The following PPM1E variants were observed in gnomAD, a reference collection of about 807,000 sequenced individuals.
The protein encoded by PPM1E is protein phosphatase 1E.
A neutral mutation model predicts 65.9 loss-of-function variants in PPM1E; 20 were observed. The ratio of observed to expected loss-of-function variants is 0.30; its 90% CI spans 0.21 to 0.44. The LOEUF (loss-of-function observed/expected upper bound fraction) is 0.44. Among genes scored for constraint, PPM1E ranks in the 20% least tolerant of loss-of-function variants. PPM1E has a pLI of 1.00. For synonymous variants in PPM1E, 352 were observed against 374.9 expected, an observed-to-expected ratio of 0.94 and a Z score of 0.70; for missense variants, 713 against 953.1, an observed-to-expected ratio of 0.75 and a Z score of 3.32.
chr17:58,767,220 T>G (rs2049889380), intron 1 of PPM1E, among the ~76,000 whole-genome samples: 1 of 152,174 alleles, frequency 6.6e-6, no homozygotes, highest in South Asian at 2.1e-4. Context: ...GGCATTGTTT[T>G]ATATTTATTA....
intron 1 of PPM1E, among the ~76,000 whole-genome samples, chr17:58,945,719 T>C (rs368775475): frequency 6.6e-6 from 1 of 152,196 alleles, no homozygotes; most frequent in Non-Finnish European, 1.5e-5. Context: ...CTATAATGTC[T>C]TACAAAATTC....
chr17:58,844,578 G>A (rs563639146), intron 1 of PPM1E, among the ~76,000 whole-genome samples: 6 of 152,138 alleles, frequency 3.9e-5, no homozygotes, highest in Non-Finnish European at 7.4e-5. Context: ...GTAAATAGCC[G>A]AGGTGGGCAT....
At chr17:58,837,862 T>C (rs1417652040) in intron 1 of PPM1E, among the ~76,000 whole-genome samples, 1 of 152,212 alleles carries the variant, frequency 6.6e-6, no homozygotes, top group East Asian at 1.9e-4. Context: ...GTGTGCTGTT[T>C]ATAAAAGTTG....
chr17:58,932,021 A>G (rs1257108957), intron 1 of PPM1E, among the ~76,000 whole-genome samples: 1 of 152,130 alleles, frequency 6.6e-6, no homozygotes, highest in East Asian at 1.9e-4. Context: ...CATGCCTGTA[A>G]TTTCAGCATT....
At chr17:58,783,800 C>T (rs2050071487) in intron 1 of PPM1E, among the ~76,000 whole-genome samples, 1 of 152,000 alleles carries the variant, frequency 6.6e-6, no homozygotes, top group Non-Finnish European at 1.5e-5. Flanking sequence ...CTCCTACCCC[C>T]AGGTTCAAGC....
rs9893163 is a variant in PPM1E at position 58,797,634 on chromosome 17, G to C, written c.464+41173G>C. On this transcript the variant is annotated intron_variant, in intron 1 of 6. Coordinates refer to ENST00000308249, the MANE Select transcript of PPM1E (RefSeq NM_014906.5). ...TTCTCCTGTTGATGGACATCTGAGC[G>C]GTTTCCATTTTTTTGGCTACTATTA... 2.6e-5 allele frequency among the ~76,000 whole-genome samples: 4 copies of C among 152,198 alleles called. No homozygotes were observed. In the East Asian group the frequency reaches 7.7e-4, roughly 29 times the overall value.
chr17:58,843,790 C>T (rs2050744490), intron 1 of PPM1E, among the ~76,000 whole-genome samples: 1 of 152,230 alleles, frequency 6.6e-6, no homozygotes, highest in Non-Finnish European at 1.5e-5. Context: ...ATGACCATGC[C>T]AATGCACTCC....
chr17:58,853,008 T>C (rs2050843726), intron 1 of PPM1E, among the ~76,000 whole-genome samples: 1 of 152,216 alleles, frequency 6.6e-6, no homozygotes, highest in Non-Finnish European at 1.5e-5. Flanking sequence ...TAACTCCTTG[T>C]CAGATATATG....
chr17:58,856,285 G>A (rs2050881183), intron 1 of PPM1E, among the ~76,000 whole-genome samples: 1 of 152,000 alleles, frequency 6.6e-6, no homozygotes, highest in African/African-American at 2.4e-5. Flanking sequence ...TGTTGCCGAG[G>A]CTGTAATGCA....
intron 1 of PPM1E, among the ~76,000 whole-genome samples, chr17:58,947,552 T>TC (rs1267534970): frequency 1.3e-5 from 2 of 150,394 alleles, no homozygotes; most frequent in African/African-American, 4.9e-5. Context: ...TTTTTTTTTT[T>TC]CACTTATTTG....
intron 1 of PPM1E, among the ~76,000 whole-genome samples, chr17:58,844,063 A>G (rs1360033721): frequency 1.3e-5 from 2 of 152,168 alleles, no homozygotes. Context: ...TTATTTTGGG[A>G]ATTAAATTCT....
chr17:58,836,462 A>C (rs1234702475), intron 1 of PPM1E, among the ~76,000 whole-genome samples: 1 of 150,678 alleles, frequency 6.6e-6, no homozygotes, highest in Non-Finnish European at 1.5e-5. Flanking sequence ...TCTTTACAAA[A>C]AAAAAATTTT....
At chr17:58,901,411 C>T (rs980352795) in intron 1 of PPM1E, among the ~76,000 whole-genome samples, 26 of 152,248 alleles carry the variant, frequency 1.7e-4, no homozygotes, top group African/African-American at 5.8e-4. Context: ...CGGTGGCTCA[C>T]GCCTGTAATC....
At chr17:58,889,329 G>A (rs373197535) in intron 1 of PPM1E, among the ~76,000 whole-genome samples, 9 of 152,090 alleles carry the variant, frequency 5.9e-5, no homozygotes, top group Admixed American at 3.9e-4. Context: ...GGCCAGGTGC[G>A]GTGGCTCACA....
chr17:58,831,853 C>T (rs1182849701), intron 1 of PPM1E, among the ~76,000 whole-genome samples: 1 of 152,180 alleles, frequency 6.6e-6, no homozygotes, highest in Non-Finnish European at 1.5e-5. Context: ...ATTTTAATTT[C>T]ACATTTCAGG....
At chr17:58,785,489 T>TATATAG (rs1436264994) in intron 1 of PPM1E, 8 of 139,354 alleles carry the variant, frequency 5.7e-5, no homozygotes, top group Admixed American at 5.1e-4. Context: ...TATATATATA[T>TATATAG]AGTAGAACCA....
intron 1 of PPM1E, among the ~76,000 whole-genome samples, chr17:58,839,517 C>T (rs1476441221): frequency 1.3e-5 from 2 of 152,130 alleles, no homozygotes; most frequent in African/African-American, 4.8e-5. Flanking sequence ...GCCAAAGGAA[C>T]TGTACAAGAG....
chr17:58,802,669 A>G (rs1178337178), intron 1 of PPM1E, among the ~76,000 whole-genome samples: 1 of 152,138 alleles, frequency 6.6e-6, no homozygotes, highest in African/African-American at 2.4e-5. Context: ...ATCCATGAAC[A>G]CAGGATATCT....
chr17:58,843,258 G>A (rs1316144305), intron 1 of PPM1E, among the ~76,000 whole-genome samples: 4 of 151,548 alleles, frequency 2.6e-5, no homozygotes, highest in South Asian at 2.1e-4. Context: ...CCTGAGAGGC[G>A]GAGTTTTCAG....
Sources: allele counts gnomAD v4.1 joint callset (sites outside exome capture counted in the v4.1 genomes callset), GRCh38; gene constraint gnomAD v4.1.1; transcripts MANE v1.5; gene names NCBI Gene and HGNC (gene_info 2026-07-23, HGNC 2026-07-21).